IFT56: variants seen among roughly 807,000 people sequenced by gnomAD.
The protein encoded by IFT56 is intraflagellar transport 56, also known as intraflagellar transport protein 56.
At chr7:139,181,013 T>C in the IFT56 span, 1 of 868,228 alleles carries the variant, frequency 1.2e-6, no homozygotes, top group Non-Finnish European at 1.8e-6. Flanking sequence ...ACCAAATCCA[T>C]AGAATAATAA....
At chr7:139,144,228 A>G in the IFT56 span, among the ~76,000 whole-genome samples, 4 of 152,024 alleles carry the variant, frequency 2.6e-5, no homozygotes, top group Non-Finnish European at 5.9e-5. Flanking sequence ...TTATTTGACT[A>G]TGGTTTTTTA....
chr7:139,189,487 AT>A, the IFT56 span: 1 of 1,217,550 alleles, frequency 8.2e-7, no homozygotes, highest in Admixed American at 1.9e-5. Flanking sequence ...ACTGGAAATC[AT>A]TTTCACTCCA....
the IFT56 span, chr7:139,166,842 G>A: frequency 6.4e-7 from 1 of 1,569,596 alleles, no homozygotes; most frequent in African/African-American, 1.3e-5. Context: ...TATTTCAGAT[G>A]ATGTACAAGA....
the IFT56 span, among the ~76,000 whole-genome samples, chr7:139,165,950 T>A: frequency 6.6e-6 from 1 of 152,170 alleles, no homozygotes; most frequent in East Asian, 1.9e-4. Context: ...TTATTTTATT[T>A]GTTTATTTAT....
the IFT56 span, among the ~76,000 whole-genome samples, chr7:139,159,386 C>G: frequency 6.6e-6 from 1 of 151,930 alleles, no homozygotes; most frequent in Admixed American, 6.6e-5. Context: ...TTTCAAAAAC[C>G]AACTTTTGTT....
chr7:139,166,953 G>A, the IFT56 span: 50 of 1,174,996 alleles, frequency 4.3e-5, no homozygotes, highest in Admixed American at 7.0e-5. Flanking sequence ...TGGAACTTCA[G>A]AAATTTAGTT....
At chr7:139,185,638 T>C in the IFT56 span, among the ~76,000 whole-genome samples, 2 of 151,842 alleles carry the variant, frequency 1.3e-5, no homozygotes, top group African/African-American at 4.9e-5. Flanking sequence ...GTCAGAAGAG[T>C]AGTTACCTCT....
chr7:139,189,339 G>A, the IFT56 span: 1 of 1,610,926 alleles, frequency 6.2e-7, no homozygotes, highest in Non-Finnish European at 8.5e-7. Flanking sequence ...TTCGAGAAGT[G>A]CTCCATTTAC....
At chr7:139,142,180 C>T in the IFT56 span, 178 of 1,451,138 alleles carry the variant, frequency 1.2e-4, 1 homozygote, top group Middle Eastern at 8.7e-4. Flanking sequence ...AAGATTCATC[C>T]GAGTCTCATT....
At chr7:139,141,191 G>A in the IFT56 span, among the ~76,000 whole-genome samples, 12 of 151,636 alleles carry the variant, frequency 7.9e-5, no homozygotes, top group East Asian at 2.1e-3. Context: ...AACGCGGGAG[G>A]CGGAGCTTGC....
At chr7:139,183,604 C>T in the IFT56 span, among the ~76,000 whole-genome samples, 1 of 151,676 alleles carries the variant, frequency 6.6e-6, no homozygotes, top group African/African-American at 2.4e-5. Context: ...GATTAAAAAA[C>T]ATAACCCAAT....
the IFT56 span, among the ~76,000 whole-genome samples, chr7:139,182,414 A>T: frequency 6.6e-6 from 1 of 152,214 alleles, no homozygotes; most frequent in South Asian, 2.1e-4. Flanking sequence ...CAATGCTCTT[A>T]AATAAGTTAG....
At chr7:139,147,992 CCTTT>C in the IFT56 span, among the ~76,000 whole-genome samples, 1 of 152,040 alleles carries the variant, frequency 6.6e-6, no homozygotes, top group African/African-American at 2.4e-5. Flanking sequence ...GTGAACTTTC[CCTTT>C]CTTCTCTAGT....
chr7:139,177,859 A>G, the IFT56 span, among the ~76,000 whole-genome samples: 1 of 152,086 alleles, frequency 6.6e-6, no homozygotes, highest in Non-Finnish European at 1.5e-5. Context: ...TGCTAGGTTG[A>G]TTTAGAAAAG....
chr7:139,155,157 T>C, the IFT56 span, among the ~76,000 whole-genome samples: 1 of 152,178 alleles, frequency 6.6e-6, no homozygotes, highest in African/African-American at 2.4e-5. Context: ...CTACTGATTT[T>C]TGTATTGATT....
At chr7:139,134,029 C>G in the IFT56 span, among the ~76,000 whole-genome samples, 2 of 152,208 alleles carry the variant, frequency 1.3e-5, no homozygotes, top group Non-Finnish European at 2.9e-5. Flanking sequence ...TACCTCGGTG[C>G]TTTCTTCCCT....
the IFT56 span, among the ~76,000 whole-genome samples, chr7:139,140,225 G>A: frequency 4.6e-5 from 7 of 152,134 alleles, no homozygotes; most frequent in Non-Finnish European, 7.4e-5. Flanking sequence ...AAAGCAGAAG[G>A]ACAAAAGAAG....
At chr7:139,135,928 T>C in the IFT56 span, among the ~76,000 whole-genome samples, 1 of 152,134 alleles carries the variant, frequency 6.6e-6, no homozygotes, top group Non-Finnish European at 1.5e-5. Context: ...TTTTTTTTCT[T>C]TTTTCTTTTT....
chr7:139,165,209 C>T, the IFT56 span: 7 of 1,613,442 alleles, frequency 4.3e-6, no homozygotes, highest in Non-Finnish European at 5.9e-6. Context: ...CTAGGCTAAA[C>T]TTGGTGATTT....
Sources: gnomAD v4.1 joint callset for allele counts (sites outside exome capture counted in the v4.1 genomes callset) on GRCh38, gnomAD v4.1.1 for gene constraint, MANE v1.5 for transcripts, NCBI Gene and HGNC (gene_info 2026-07-23, HGNC 2026-07-21) for gene names.